PATJ: variants seen among roughly 807,000 people sequenced by gnomAD.
PATJ encodes the protein inaD-like protein.
Under a neutral mutation model 224.9 loss-of-function variants are expected in PATJ, and 190 were observed. The ratio of observed to expected loss-of-function variants is 0.84; its 90% CI spans 0.75 to 0.95. The LOEUF (loss-of-function observed/expected upper bound fraction) is 0.95, where lower values mean the gene tolerates loss of function less well. Among genes scored for constraint, PATJ ranks in the 40% least tolerant of loss-of-function variants. The pLI, the probability that PATJ is intolerant of heterozygous loss-of-function variation, is 0.00. For synonymous variants in PATJ, 769 were observed against 820.3 expected (o/e 0.94, Z 1.07); for missense variants, 2,121 against 2,270.3 (o/e 0.93, Z 1.34).
intron 7 of PATJ, among the ~76,000 whole-genome samples, chr1:61,777,833 G>A (rs1371551282): frequency 2.0e-5 from 3 of 149,022 alleles, no homozygotes; most frequent in East Asian, 2.0e-4. Flanking sequence ...TCAGTCTCCC[G>A]AGTAGTTGGT....
intron 17 of PATJ, among the ~76,000 whole-genome samples, chr1:61,851,182 C>G (rs766434417): frequency 1.3e-5 from 2 of 152,110 alleles, no homozygotes; most frequent in African/African-American, 4.8e-5. Context: ...GAAGAAAATG[C>G]AACAAGCTGT....
chr1:61,979,154 A>G (rs573290191), intron 27 of PATJ, among the ~76,000 whole-genome samples: 24 of 152,168 alleles, frequency 1.6e-4, no homozygotes, highest in Admixed American at 4.6e-4. Flanking sequence ...TCTGATGTTC[A>G]TTCAGGGATA....
intron 7 of PATJ, among the ~76,000 whole-genome samples, chr1:61,782,713 C>T (rs896825611): frequency 3.3e-5 from 5 of 152,154 alleles, no homozygotes; most frequent in African/African-American, 1.2e-4. Flanking sequence ...TCCCTGTAAG[C>T]CTCAGAGCCT....
intron 13 of PATJ, among the ~76,000 whole-genome samples, chr1:61,807,618 A>C (rs1653853567): frequency 6.6e-6 from 1 of 152,234 alleles, no homozygotes; most frequent in Admixed American, 6.5e-5. Context: ...TAAAAGTTGT[A>C]GCATCTTGTA....
chr1:61,931,896 C>T (rs1467452558), intron 27 of PATJ, among the ~76,000 whole-genome samples: 2 of 152,176 alleles, frequency 1.3e-5, no homozygotes, highest in African/African-American at 2.4e-5. Flanking sequence ...TAGATGCACA[C>T]ATACACACAG....
chr1:61,886,323 C>A (rs1349775534), intron 22 of PATJ, among the ~76,000 whole-genome samples: 1 of 152,064 alleles, frequency 6.6e-6, no homozygotes, highest in Non-Finnish European at 1.5e-5. Context: ...AACATTTTAA[C>A]AAAAGTGTCC....
chr1:62,160,926 G>A lies in PATJ; in HGVS notation c.5521G>A (p.Gly1841Ser), dbSNP rs563848052. The part of the protein sequence containing the change: ...VFAKGAAADD[G>S]RLKRGDQILA... ...TTTGTAGGGAGCAGCTGCAGATGAC[G>A]GCCGATTAAAACGAGGGGATCAGAT... The change falls in exon 44 of 44, where the codon GGC becomes AGC. Residue 1841 changes from glycine to serine, a missense_variant. By Grantham distance (56) the Gly-to-Ser change is moderately conservative. Transcript: ENST00000642238. The A allele has an allele frequency of 1.1e-5, 17 of 1,613,912 alleles. No individual in the cohort carries two copies. In the East Asian group the frequency reaches 1.6e-4, roughly 15 times the overall value.
intron 1 of PATJ, among the ~76,000 whole-genome samples, chr1:61,745,763 C>T (rs1644991013): frequency 6.6e-6 from 1 of 150,896 alleles, no homozygotes; most frequent in Admixed American, 6.6e-5. Flanking sequence ...GCCACCACAC[C>T]TGTCTAATTT....
intron 1 of PATJ, among the ~76,000 whole-genome samples, chr1:61,756,563 C>CTTTTT (rs370667808): frequency 6.7e-4 from 44 of 65,610 alleles, no homozygotes; most frequent in East Asian, 9.4e-4. Flanking sequence ...AACCAGGACA[C>CTTTTT]TTTTTTTTTT....
chr1:61,822,463 C>G (rs537125141), intron 14 of PATJ, among the ~76,000 whole-genome samples: 2 of 149,274 alleles, frequency 1.3e-5, no homozygotes, highest in South Asian at 2.1e-4. Context: ...AAAAGAAATT[C>G]TAAGCCCAGT....
intron 20 of PATJ, among the ~76,000 whole-genome samples, chr1:61,872,099 A>G: frequency 6.6e-6 from 1 of 151,982 alleles, no homozygotes; most frequent in East Asian, 1.9e-4. Flanking sequence ...ATTTACTATT[A>G]ACAGAATTAC....
At chr1:62,145,683 G>T (rs772250134) in intron 41 of PATJ, among the ~76,000 whole-genome samples, 3 of 150,982 alleles carry the variant, frequency 2.0e-5, no homozygotes, top group Non-Finnish European at 2.9e-5. Flanking sequence ...AAGGCCAGGT[G>T]CAGTGGCTCA....
chr1:61,800,860 T>G (rs1321384569), intron 11 of PATJ, among the ~76,000 whole-genome samples: 1 of 152,216 alleles, frequency 6.6e-6, no homozygotes, highest in East Asian at 1.9e-4. Flanking sequence ...GATAGTTTGC[T>G]CAGAATGATG....
At chr1:62,137,777 G>A (rs1252158037) in intron 41 of PATJ, among the ~76,000 whole-genome samples, 3 of 152,012 alleles carry the variant, frequency 2.0e-5, no homozygotes, top group Non-Finnish European at 4.4e-5. Context: ...AGGCGCAGAG[G>A]ACAAGGCTGC....
intron 30 of PATJ, among the ~76,000 whole-genome samples, chr1:62,040,571 A>C (rs1183833458): frequency 6.6e-6 from 1 of 152,210 alleles, no homozygotes; most frequent in Non-Finnish European, 1.5e-5. Flanking sequence ...CAAAAATAAG[A>C]GGGAGGAGCC....
rs561140399 is a variant in PATJ at position 62,157,688 on chromosome 1, G to A, written c.5503-3220G>A. ...TCTACAAAATATACAAAAATTAGCC[G>A]GGCATGGTGGCAGGTGCCTCCAATC... On this transcript the variant is annotated intron_variant, in intron 43 of 43. Transcript: ENST00000642238. 5.4e-5 allele frequency among the ~76,000 whole-genome samples: 8 copies of A among 148,050 alleles called. No homozygotes were observed. In the South Asian group the frequency reaches 1.2e-3, roughly 21 times the overall value.
intron 36 of PATJ, 114 bp from the exon 37 acceptor site, chr1:62,117,018 T>C: frequency 1.2e-6 from 1 of 837,532 alleles, no homozygotes; most frequent in Non-Finnish European, 1.9e-6. Flanking sequence ...GGGCTATGCC[T>C]GTTGCTTTCA....
At chr1:61,914,193 C>T (rs1673088639) in intron 25 of PATJ, among the ~76,000 whole-genome samples, 1 of 152,184 alleles carries the variant, frequency 6.6e-6, no homozygotes, top group African/African-American at 2.4e-5. Context: ...CAGTGGCTCA[C>T]GCCTGTAATC....
At chr1:61,765,066 ATTTTTTTTTTT>A (rs71582647) in intron 3 of PATJ, among the ~76,000 whole-genome samples, 38 of 24,020 alleles carry the variant, frequency 1.6e-3, no homozygotes, top group Admixed American at 4.3e-3. Flanking sequence ...ATTGACATTC[ATTTTTTTTTTT>A]TTTTTTTTTT....
Sources: gnomAD v4.1 joint callset for allele counts (sites outside exome capture counted in the v4.1 genomes callset) on GRCh38, gnomAD v4.1.1 for gene constraint, MANE v1.5 for transcripts, NCBI Gene and HGNC (gene_info 2026-07-23, HGNC 2026-07-21) for gene names.